The following PMFBP1 variants were observed in gnomAD, a reference collection of about 807,000 sequenced individuals.
The protein encoded by PMFBP1 is polyamine modulated factor 1 binding protein 1.
In PMFBP1, 131 loss-of-function variants were observed where a neutral mutation model predicts 137.8. That is an observed-to-expected ratio of 0.95 (90% CI 0.82 to 1.10). The LOEUF (loss-of-function observed/expected upper bound fraction) is 1.10, where lower values mean the gene tolerates loss of function less well. Ranked by LOEUF, PMFBP1 falls within the 50% of genes least tolerant of loss-of-function variation. The pLI is 0.00. For synonymous variants in PMFBP1, 490 were observed against 450.4 expected, an observed-to-expected ratio of 1.09 and a Z score of -1.11; for missense variants, 1,199 against 1,175.4, an observed-to-expected ratio of 1.02 and a Z score of -0.29.
At chr16:72,214,399 T>A in the PMFBP1 span, among the ~76,000 whole-genome samples, 1 of 152,130 alleles carries the variant, frequency 6.6e-6, no homozygotes, top group African/African-American at 2.4e-5. Flanking sequence ...ATGGTCTCGA[T>A]CCTCTGACAT....
At chr16:72,194,650 A>G in the PMFBP1 span, among the ~76,000 whole-genome samples, 2 of 152,202 alleles carry the variant, frequency 1.3e-5, no homozygotes, top group Admixed American at 1.3e-4. Context: ...AGTATTAAAG[A>G]CCATTCATGG....
At chr16:72,214,498 G>A in the PMFBP1 span, among the ~76,000 whole-genome samples, 1 of 152,166 alleles carries the variant, frequency 6.6e-6, no homozygotes. Context: ...CAGGGTAGAA[G>A]GAACGATGAG....
intron 20 of PMFBP1, 111 bp from the exon 21 acceptor site, chr16:72,119,465 C>T (rs1226532104): frequency 1.3e-6 from 2 of 1,595,544 alleles, no homozygotes; most frequent in Admixed American, 1.7e-5. Flanking sequence ...TGACTTCTTG[C>T]CTCTGGGGTA....
chr16:72,208,340 A>C, the PMFBP1 span, among the ~76,000 whole-genome samples: 1 of 93,522 alleles, frequency 1.1e-5, no homozygotes, highest in Non-Finnish European at 2.1e-5. Flanking sequence ...CAGCCAAAAG[A>C]AGCAGAAAAA....
At chr16:72,140,721 A>G in intron 5 of PMFBP1, 139 bp from the exon 6 acceptor site, 1 of 771,152 alleles carries the variant, frequency 1.3e-6, no homozygotes, top group Non-Finnish European at 2.0e-6. Flanking sequence ...CCTTAACAAA[A>G]CAAAAAATAT....
chr16:72,136,348 C>T, intron 9 of PMFBP1, 100 bp downstream of exon 9: 1 of 1,400,000 alleles, frequency 7.1e-7, no homozygotes, highest in Non-Finnish European at 9.8e-7. Flanking sequence ...TGTTGAGGCT[C>T]CCAAAGCAAT....
chr16:72,235,681 T>A, the PMFBP1 span, among the ~76,000 whole-genome samples: 2 of 152,134 alleles, frequency 1.3e-5, no homozygotes, highest in African/African-American at 4.8e-5. Flanking sequence ...TCAAAATGAT[T>A]TGCAGTTTTC....
intron 2 of PMFBP1, among the ~76,000 whole-genome samples, chr16:72,168,315 A>G (rs878881518): frequency 1.3e-5 from 2 of 152,172 alleles, no homozygotes; most frequent in Non-Finnish European, 2.9e-5. Context: ...TCGATTTTTA[A>G]TTATAGGGAG....
At chr16:72,165,579 C>T (rs1044570209) in intron 2 of PMFBP1, among the ~76,000 whole-genome samples, 3 of 152,102 alleles carry the variant, frequency 2.0e-5, no homozygotes, top group Admixed American at 6.5e-5. Flanking sequence ...CCACCATGCC[C>T]GGCTAATTTT....
At chr16:72,217,376 G>A in the PMFBP1 span, among the ~76,000 whole-genome samples, 1 of 151,982 alleles carries the variant, frequency 6.6e-6, no homozygotes, top group African/African-American at 2.4e-5. Flanking sequence ...TGCTTTTGTT[G>A]TTTTTATGTA....
chr16:72,235,673 A>C, the PMFBP1 span, among the ~76,000 whole-genome samples: 1 of 152,086 alleles, frequency 6.6e-6, no homozygotes, highest in East Asian at 1.9e-4. Flanking sequence ...AATTTCTTTC[A>C]AAATGATTTG....
upstream of PMFBP1, among the ~76,000 whole-genome samples, chr16:72,180,942 T>TA (rs1243600231): frequency 1.3e-5 from 2 of 152,154 alleles, no homozygotes; most frequent in South Asian, 2.1e-4. Context: ...GTGCCTTTTT[T>TA]AAAAAAATTA....
chr16:72,149,522 T>C (rs1245940744), intron 5 of PMFBP1, among the ~76,000 whole-genome samples: 1 of 152,108 alleles, frequency 6.6e-6, no homozygotes, highest in Admixed American at 6.5e-5. Flanking sequence ...TAAAATAAAT[T>C]GTCAAGATGT....
chr16:72,246,298 G>C, the PMFBP1 span, among the ~76,000 whole-genome samples: 1 of 152,166 alleles, frequency 6.6e-6, no homozygotes, highest in Non-Finnish European at 1.5e-5. Context: ...GTTGACAAGT[G>C]GTAGTAGGTG....
At position 72,168,670 on chromosome 16, in the gene PMFBP1, A is replaced by G. The variant is rs147615554; in HGVS notation, c.12+2527T>C. 3.2e-3 allele frequency among the ~76,000 whole-genome samples: 480 copies of G among 152,230 alleles called. 1 individual carries two copies. The highest frequency in any genetic ancestry group is 6.6e-3 in the Admixed American group (101 of 15,290). ...AATCATAAGTCTCCACTGCTAGGTG[A>G]GTTTTCATTTACATAAGTCATGTAC... is the stretch of plus-strand genomic sequence containing the variant. On this transcript the variant is annotated intron_variant, in intron 2 of 20. Coordinates refer to ENST00000237353, the MANE Select transcript of PMFBP1 (RefSeq NM_031293.3).
At chr16:72,125,548 G>C in intron 15 of PMFBP1, 143 bp from the exon 16 acceptor site, 1 of 959,074 alleles carries the variant, frequency 1.0e-6, no homozygotes, top group Non-Finnish European at 1.5e-6. Context: ...CTCCCAGAGA[G>C]GGGTGGGAAA....
In PMFBP1 at chr16:72,132,822, C is replaced by T. The variant is rs770247757; in HGVS notation, c.1373G>A (p.Cys458Tyr). 2 of 1,614,198 alleles carry T rather than the reference C, an allele frequency of 1.2e-6. No homozygotes were observed. Among genetic ancestry groups the T allele is most frequent in the Non-Finnish European group, 1.7e-6 (2 of 1,180,034 alleles). ...AKQDKSKEAE[C>Y]KALQAEVQKL... ...CTGGACCTCAGCCTGCAGGGCCTTG[C>T]ACTCCGCCTCCTTGGACTTGTCCTG... The change falls in exon 10 of 21, where the codon TGC (cysteine) becomes TAC (tyrosine). Residue 458 changes from cysteine (C) to tyrosine (Y), a missense_variant. Physicochemically the swap from Cys to Tyr is radical, Grantham distance 194. Transcript: ENST00000237353.
chr16:72,204,368 C>T, the PMFBP1 span, among the ~76,000 whole-genome samples: 3 of 152,004 alleles, frequency 2.0e-5, no homozygotes, highest in Non-Finnish European at 2.9e-5. Context: ...CACCACCGCA[C>T]GTTGCTAGTT....
the PMFBP1 span, among the ~76,000 whole-genome samples, chr16:72,239,801 G>A: frequency 6.8e-6 from 1 of 146,558 alleles, no homozygotes; most frequent in African/African-American, 2.5e-5. Flanking sequence ...CACGAGAATC[G>A]CTTAAACCCA....
Sources: allele counts gnomAD v4.1 joint callset (sites outside exome capture counted in the v4.1 genomes callset), GRCh38; gene constraint gnomAD v4.1.1; transcripts MANE v1.5; gene names NCBI Gene and HGNC (gene_info 2026-07-23, HGNC 2026-07-21).